The following COL24A1 variants were observed in gnomAD, a reference collection of about 807,000 sequenced individuals.
The protein encoded by COL24A1 is collagen type XXIV alpha 1 chain.
A neutral mutation model predicts 253.9 loss-of-function variants in COL24A1; 224 were observed. That is an observed-to-expected ratio of 0.88 (90% CI 0.79 to 0.99). The LOEUF (loss-of-function observed/expected upper bound fraction) is 0.99, where lower values mean the gene tolerates loss of function less well. COL24A1 is among the 50% of genes least tolerant of loss of function. The pLI, the probability that COL24A1 is intolerant of heterozygous loss-of-function variation, is 0.00. For synonymous variants in COL24A1, 685 were observed against 673.7 expected (o/e 1.02, Z -0.26); for missense variants, 2,131 against 2,068.5 (o/e 1.03, Z -0.59).
In COL24A1 at chr1:86,125,565, T is replaced by G; in HGVS notation, c.771A>C (p.Thr257=). The change falls in exon 3 of 60, where the codon ACA becomes ACC. Residue 257 remains threonine (T), a synonymous_variant. Coordinates refer to ENST00000370571, the MANE Select transcript of COL24A1 (RefSeq NM_152890.7). Reference sequence around the variant, plus strand: ...CCGGTATCTTTGTTGGTATGAGAGTTGTACAAGGAATGCTTGTTTCAGGTT... The same window carrying G: ...CCGGTATCTTTGTTGGTATGAGAGTGGTACAAGGAATGCTTGTTTCAGGTT... The part of the protein sequence containing the change: ...KYQPETSIPC[T]TLIPTKIPEH... 1 of 1,613,564 alleles carries G rather than the reference T, an allele frequency of 6.2e-7. No individual in the cohort carries two copies. The highest frequency in any genetic ancestry group is 8.5e-7 in the Non-Finnish European group (1 of 1,179,772).
intron 3 of COL24A1, among the ~76,000 whole-genome samples, chr1:86,115,787 A>C (rs1706082504): frequency 6.6e-6 from 1 of 152,224 alleles, no homozygotes; most frequent in Non-Finnish European, 1.5e-5. Flanking sequence ...AAATGAAAAC[A>C]CTGGCCATTT....
At chr1:85,980,760 T>C (rs992291839) in intron 20 of COL24A1, among the ~76,000 whole-genome samples, 1 of 151,832 alleles carries the variant, frequency 6.6e-6, no homozygotes, top group Non-Finnish European at 1.5e-5. Flanking sequence ...TACAAAAAAA[T>C]TAGCCAGGCA....
chr1:85,911,331 T>C, intron 25 of COL24A1, 49 bp downstream of exon 25: 1 of 1,440,104 alleles, frequency 6.9e-7, no homozygotes, highest in Non-Finnish European at 9.7e-7. Flanking sequence ...GCCTTTTGAA[T>C]TTAGCCTAGA....
At chr1:85,990,886 G>C (rs1212185045) in intron 19 of COL24A1, among the ~76,000 whole-genome samples, 2 of 152,156 alleles carry the variant, frequency 1.3e-5, no homozygotes, top group African/African-American at 4.8e-5. Flanking sequence ...CAAAGGTGAA[G>C]AATCAAGAAT....
intron 1 of COL24A1, 60 bp downstream of exon 1, chr1:86,156,281 C>A: frequency 6.6e-7 from 1 of 1,515,150 alleles, no homozygotes; most frequent in Non-Finnish European, 9.0e-7. Context: ...TCAGCAGAAC[C>A]AGGGGGTGGA....
At chr1:86,050,095 G>T in intron 11 of COL24A1, 29 bp downstream of exon 11, 1 of 1,595,994 alleles carries the variant, frequency 6.3e-7, no homozygotes, top group Non-Finnish European at 8.6e-7. Flanking sequence ...TATCACTTTA[G>T]AAATACTATT....
intron 53 of COL24A1, among the ~76,000 whole-genome samples, chr1:85,763,686 G>C (rs1480557476): frequency 6.6e-6 from 1 of 151,474 alleles, no homozygotes; most frequent in Non-Finnish European, 1.5e-5. Context: ...GTAGACATGG[G>C]GTTTCATCAT....
chr1:86,075,862 C>G (rs1702209297), intron 7 of COL24A1, among the ~76,000 whole-genome samples: 1 of 152,136 alleles, frequency 6.6e-6, no homozygotes, highest in African/African-American at 2.4e-5. Context: ...GCTAAAAACT[C>G]TCAGTCAACT....
chr1:85,910,386 C>G (rs1438473115), intron 25 of COL24A1, among the ~76,000 whole-genome samples: 2 of 151,804 alleles, frequency 1.3e-5, no homozygotes, highest in African/African-American at 2.4e-5. Context: ...TAAAATGTAA[C>G]AAATCTGTGT....
At position 85,781,272 on chromosome 1, in the gene COL24A1, C is replaced by T. The variant is rs1669115136; in HGVS notation, c.4286G>A (p.Gly1429Glu). The part of the protein sequence containing the change: ...SGPKGPIGHR[G>E]NTGPLGREGI... Reference sequence around the variant, plus strand: ...TTCTCTGCCAAGGGGACCAGTGTTTCCCTGTTGAGGTAAAAGAAAAACAGT... The same window carrying T: ...TTCTCTGCCAAGGGGACCAGTGTTTTCCTGTTGAGGTAAAAGAAAAACAGT... Residue 1429 changes from glycine (G) to glutamate (E), a missense_variant and splice_region_variant, in exon 52 of 60, where the codon GGA becomes GAA. Physicochemically the swap from Gly to Glu is moderately conservative, Grantham distance 98 (BLOSUM62 -2). Transcript: ENST00000370571. 4.4e-6 allele frequency: 7 copies of T among 1,602,298 alleles called. No individual in the cohort carries two copies. The highest frequency in any genetic ancestry group is 6.0e-6 in the Non-Finnish European group (7 of 1,175,266).
intron 4 of COL24A1, among the ~76,000 whole-genome samples, chr1:86,114,782 T>C (rs1020203033): frequency 5.3e-5 from 8 of 152,236 alleles, no homozygotes; most frequent in African/African-American, 1.9e-4. Flanking sequence ...AAAGATGTTT[T>C]GTAGTAAAAT....
intron 58 of COL24A1, chr1:85,736,052 C>G: frequency 4.0e-6 from 1 of 248,434 alleles, no homozygotes; most frequent in Non-Finnish European, 8.1e-6. Flanking sequence ...AATATTTAAG[C>G]TTTCTGAGCC....
At chr1:85,763,433 A>C (rs575483608) in intron 53 of COL24A1, among the ~76,000 whole-genome samples, 198 of 151,856 alleles carry the variant, frequency 1.3e-3, no homozygotes, top group African/African-American at 4.7e-3. Context: ...AATAAAATTA[A>C]GTAAGTAAAG....
intron 37 of COL24A1, among the ~76,000 whole-genome samples, chr1:85,855,626 T>C (rs1169343553): frequency 6.6e-6 from 1 of 152,194 alleles, no homozygotes; most frequent in Non-Finnish European, 1.5e-5. Flanking sequence ...TATTTTGTTA[T>C]CGATTCTTGC....
intron 2 of COL24A1, among the ~76,000 whole-genome samples, chr1:86,129,883 T>C (rs1648895171): frequency 6.6e-6 from 1 of 151,792 alleles, no homozygotes; most frequent in African/African-American, 2.4e-5. Flanking sequence ...CAGTTAGTTG[T>C]ACCTCATTGT....
chr1:85,966,149 G>C (rs2100721311), intron 22 of COL24A1, among the ~76,000 whole-genome samples: 1 of 152,216 alleles, frequency 6.6e-6, no homozygotes, highest in Non-Finnish European at 1.5e-5. Context: ...TGAAGGTAGA[G>C]CTTCCAGGAA....
intron 24 of COL24A1, among the ~76,000 whole-genome samples, chr1:85,911,776 T>G (rs1685394129): frequency 1.3e-5 from 2 of 152,072 alleles, no homozygotes; most frequent in South Asian, 4.2e-4. Flanking sequence ...GATATATTCG[T>G]TTAAGAAATC....
chr1:86,111,832 G>A (rs182293897), intron 5 of COL24A1, among the ~76,000 whole-genome samples: 1 of 151,826 alleles, frequency 6.6e-6, no homozygotes, highest in Non-Finnish European at 1.5e-5. Context: ...CTCCAGATGC[G>A]CCGCCTTAAG....
intron 21 of COL24A1, among the ~76,000 whole-genome samples, chr1:85,970,929 A>C (rs1466337177): frequency 6.6e-6 from 1 of 152,184 alleles, no homozygotes; most frequent in Non-Finnish European, 1.5e-5. Flanking sequence ...TGTTAACTTG[A>C]AGGCTGGGTG....
Sources: gnomAD v4.1 joint callset for allele counts (sites outside exome capture counted in the v4.1 genomes callset) on GRCh38, gnomAD v4.1.1 for gene constraint, MANE v1.5 for transcripts, NCBI Gene and HGNC (gene_info 2026-07-23, HGNC 2026-07-21) for gene names.